Variants in INPP5A observed in about 807,000 individuals in gnomAD.
INPP5A encodes inositol polyphosphate-5-phosphatase A, also known as 43 kDa inositol polyphosphate 5-phophatase.
In INPP5A, 14 loss-of-function variants were observed where a neutral mutation model predicts 65.2. The ratio of observed to expected loss-of-function variants is 0.21; its 90% CI spans 0.14 to 0.34. The LOEUF (loss-of-function observed/expected upper bound fraction) is 0.34, where lower values mean the gene tolerates loss of function less well. Ranked by LOEUF, INPP5A falls within the 10% of genes least tolerant of loss-of-function variation. INPP5A has a pLI of 1.00. For missense variants in INPP5A, 431 were observed against 545.6 expected (o/e 0.79, Z 2.09); for synonymous variants, 207 against 208.3 (o/e 0.99, Z 0.05).
chr10:132,679,849 G>T (rs1176459171), intron 4 of INPP5A, among the ~76,000 whole-genome samples: 1 of 152,214 alleles, frequency 6.6e-6, no homozygotes, highest in Admixed American at 6.5e-5. Flanking sequence ...TCTGACAAGG[G>T]TGCAAGAGCA....
chr10:132,547,808 C>T lies in INPP5A; in HGVS notation c.75+9637C>T, dbSNP rs2070997650. Reference sequence around the variant, plus strand: ...ACTCACCAAGTGAGTCCCAAGCTCCCTTCCTGTCATACTGTGCTTTACCGT... The same window carrying T: ...ACTCACCAAGTGAGTCCCAAGCTCCTTTCCTGTCATACTGTGCTTTACCGT... On this transcript the variant is annotated intron_variant, in intron 1 of 15. Coordinates refer to ENST00000368594, the MANE Select transcript of INPP5A (RefSeq NM_005539.5). This position sits in a 1 kb window ranked among gnomAD's most constrained non-coding sequence, Gnocchi z 5.5. Among the ~76,000 whole-genome samples the T allele has an allele frequency of 6.6e-6, 1 of 152,186 alleles. No homozygotes were observed. The highest frequency in any genetic ancestry group is 1.5e-5 in the Non-Finnish European group (1 of 68,016).
chr10:132,719,359 C>T (rs1470276755), intron 8 of INPP5A, among the ~76,000 whole-genome samples: 47 of 141,212 alleles, frequency 3.3e-4, no homozygotes, highest in Middle Eastern at 4.4e-3. Flanking sequence ...TCTGTCTGGG[C>T]GCCTTAGACG....
chr10:132,745,423 A>G (rs1846351410), intron 9 of INPP5A, among the ~76,000 whole-genome samples: 1 of 152,178 alleles, frequency 6.6e-6, no homozygotes, highest in Non-Finnish European at 1.5e-5. Flanking sequence ...CAGGAGGGGC[A>G]TCTCCCAGCC....
Position 132,537,953 on chromosome 10 carries a change from C to T in INPP5A, c.-144C>T, listed in dbSNP as rs1382198900. 5.8e-6 allele frequency: 1 copy of T among 171,848 alleles called. No individual in the cohort carries two copies. Among genetic ancestry groups the T allele is most frequent in the African/African-American group, 2.4e-5 (1 of 41,322 alleles). 10.6% of individuals were successfully genotyped at this position (171,848 alleles called of 1,614,324 possible). A position where few individuals can be genotyped will look rare whatever the true frequency, so the allele number is the denominator to read the frequency against. On this transcript the variant is annotated 5_prime_UTR_variant, in exon 1 of 16. Transcript: ENST00000368594. ...CGGAGCCCCGGCCAGGCCCGGCCGACCCGCCGAGCCCGCGATGCGCCCCGG... is the reference window on the plus strand; with the variant it reads ...CGGAGCCCCGGCCAGGCCCGGCCGATCCGCCGAGCCCGCGATGCGCCCCGG...
intron 1 of INPP5A, among the ~76,000 whole-genome samples, chr10:132,556,588 C>T (rs2071130392): frequency 6.6e-6 from 1 of 152,194 alleles, no homozygotes; most frequent in Non-Finnish European, 1.5e-5. Context: ...CACATAGGCA[C>T]ACACATGTGC....
At chr10:132,573,772 T>C (rs1302141680) in intron 1 of INPP5A, among the ~76,000 whole-genome samples, 21 of 117,626 alleles carry the variant, frequency 1.8e-4, no homozygotes, top group African/African-American at 3.8e-4. Context: ...TTGGGGTGTG[T>C]GTGCCGTGTG....
At chr10:132,699,515 G>A (rs1025529770) in intron 6 of INPP5A, among the ~76,000 whole-genome samples, 4 of 152,188 alleles carry the variant, frequency 2.6e-5, no homozygotes, top group African/African-American at 7.2e-5. Context: ...GGCCGTGGCC[G>A]GACCAGGTGC....
rs940559695 is a variant in INPP5A, at chr10:132,550,461, A to G, written c.75+12290A>G. ...TGACACTGCTGTCACTCCAAGGTGC[A>G]CCTCACCACACCTGGAGCAGCGCCC... is the stretch of plus-strand genomic sequence containing the variant. On this transcript the variant is annotated intron_variant, in intron 1 of 15. Coordinates refer to ENST00000368594, the MANE Select transcript of INPP5A (RefSeq NM_005539.5). This position sits in a 1 kb window ranked among gnomAD's most constrained non-coding sequence, Gnocchi z 4.2. 1.3e-5 allele frequency among the ~76,000 whole-genome samples: 2 copies of G among 152,132 alleles called. No homozygotes were observed. The highest frequency in any genetic ancestry group is 4.8e-5 in the African/African-American group (2 of 41,422).
intron 1 of INPP5A, among the ~76,000 whole-genome samples, chr10:132,539,680 GCTCC>G (rs538466893): frequency 6.6e-5 from 10 of 151,462 alleles, no homozygotes; most frequent in Non-Finnish European, 8.8e-5. Flanking sequence ...AGCCACGGAC[GCTCC>G]CTCCCTCCCT....
At chr10:132,558,659 C>T (rs1478437090) in intron 1 of INPP5A, among the ~76,000 whole-genome samples, 4 of 152,196 alleles carry the variant, frequency 2.6e-5, no homozygotes, top group Admixed American at 6.5e-5. Context: ...AGCTGGGGGA[C>T]GCTCCAGGTA....
intron 11 of INPP5A, among the ~76,000 whole-genome samples, chr10:132,759,636 G>A (rs1846694270): frequency 6.6e-6 from 1 of 152,088 alleles, no homozygotes; most frequent in Non-Finnish European, 1.5e-5. Context: ...CGAAGCTCTC[G>A]GGAAGGGAGG....
chr10:132,684,896 T>C (rs1055491442), intron 4 of INPP5A, among the ~76,000 whole-genome samples: 6 of 152,202 alleles, frequency 3.9e-5, no homozygotes, highest in African/African-American at 1.4e-4. Flanking sequence ...CCTCACAGCA[T>C]GCAGCTGGGG....
Position 132,575,688 on chromosome 10 carries a change from C to T in INPP5A, c.76-32227C>T, listed in dbSNP as rs2071404720. Among the ~76,000 whole-genome samples, 1 of 152,188 alleles carries T rather than the reference C, an allele frequency of 6.6e-6. No individual in the cohort carries two copies. The highest frequency in any genetic ancestry group is 1.5e-5 in the Non-Finnish European group (1 of 68,032). ...ATCCTGCACCAGCTTAGACAAGGAA[C>T]TCCTGACGCCTCAGCGCCTGGCCCT... On this transcript the variant is annotated intron_variant, in intron 1 of 15. Transcript: ENST00000368594. The surrounding 1 kb of genome is among the most constrained non-coding windows in gnomAD (Gnocchi z 5.4).
intron 1 of INPP5A, among the ~76,000 whole-genome samples, chr10:132,596,648 T>G (rs1029392365): frequency 6.6e-6 from 1 of 152,220 alleles, no homozygotes; most frequent in African/African-American, 2.4e-5. Context: ...CAGGCTGTTC[T>G]TGAGAATTCC....
intron 1 of INPP5A, among the ~76,000 whole-genome samples, chr10:132,605,804 C>T (rs2071841899): frequency 6.6e-6 from 1 of 152,208 alleles, no homozygotes; most frequent in African/African-American, 2.4e-5. Context: ...TCTTCTCTTC[C>T]TTCTTTGGAG....
At chr10:132,574,480 G>A (rs2071390993) in intron 1 of INPP5A, among the ~76,000 whole-genome samples, 1 of 151,850 alleles carries the variant, frequency 6.6e-6, no homozygotes, top group Non-Finnish European at 1.5e-5. Flanking sequence ...TCCTGTGTGA[G>A]GTTTTGTTGA....
At chr10:132,719,460 GC>G (rs1397596945) in intron 8 of INPP5A, among the ~76,000 whole-genome samples, 1,684 of 149,718 alleles carry the variant, frequency 0.011, 49 homozygotes, top group African/African-American at 0.039. Flanking sequence ...TTCTGTCTGG[GC>G]ACCTTAGACG....
intron 1 of INPP5A, among the ~76,000 whole-genome samples, chr10:132,586,676 C>T (rs1006278660): frequency 3.3e-5 from 5 of 152,240 alleles, no homozygotes; most frequent in South Asian, 2.1e-4. Context: ...GCCAGAGCCT[C>T]GTGGTGATGG....
rs1165603617 is a variant in INPP5A, at chr10:132,659,546, T to A, written c.306+9041T>A. The stretch of plus-strand genomic sequence containing the variant: ...CCAGTGTTCCTTCTCAGCGAGCAGC[T>A]CCCATGGCAGTCCATTCATTCAACA... On this transcript the variant is annotated intron_variant, in intron 4 of 15. Coordinates refer to ENST00000368594, the MANE Select transcript of INPP5A (RefSeq NM_005539.5). This position sits in a 1 kb window ranked among gnomAD's most constrained non-coding sequence, Gnocchi z 5.5. Among the ~76,000 whole-genome samples the A allele has an allele frequency of 6.6e-6, 1 of 152,184 alleles. No individual in the cohort carries two copies. The highest frequency in any genetic ancestry group is 1.9e-4 in the East Asian group (1 of 5,192).
Sources: allele counts gnomAD v4.1 joint callset (sites outside exome capture counted in the v4.1 genomes callset), GRCh38; gene constraint gnomAD v4.1.1; non-coding constraint Gnocchi (gnomAD v3.1); transcripts MANE v1.5; gene names NCBI Gene and HGNC (gene_info 2026-07-23, HGNC 2026-07-21).